The following RFX3 variants were observed in gnomAD, a reference collection of about 807,000 sequenced individuals.
RFX3 encodes transcription factor RFX3.
In RFX3, 14 loss-of-function variants were observed where a neutral mutation model predicts 98.6. The ratio of observed to expected loss-of-function variants is 0.14; its 90% CI spans 0.09 to 0.22. The LOEUF (loss-of-function observed/expected upper bound fraction) is 0.22. Among genes scored for constraint, RFX3 ranks in the 10% least tolerant of loss-of-function variants. RFX3 has a pLI of 1.00. For synonymous variants in RFX3, 383 were observed against 328.4 expected (o/e 1.17, Z -1.80); for missense variants, 639 against 926.9 (o/e 0.69, Z 4.03).
At chr9:3,507,770 T>TATA (rs1371928765) in intron 1 of RFX3, among the ~76,000 whole-genome samples, 1 of 152,026 alleles carries the variant, frequency 6.6e-6, no homozygotes, top group Non-Finnish European at 1.5e-5. Flanking sequence ...ATAAAGTTGT[T>TATA]ATACTGTATT....
chr9:3,359,786 C>T (rs1836198164), intron 2 of RFX3, among the ~76,000 whole-genome samples: 1 of 151,886 alleles, frequency 6.6e-6, no homozygotes, highest in South Asian at 2.1e-4. Context: ...CTGATATGAT[C>T]ACTTTTAATA....
At chr9:3,485,826 T>C (rs1850215892) in intron 1 of RFX3, among the ~76,000 whole-genome samples, 1 of 152,078 alleles carries the variant, frequency 6.6e-6, no homozygotes. Flanking sequence ...GTAAAGACTT[T>C]AAGAATAATA....
intron 1 of RFX3, among the ~76,000 whole-genome samples, chr9:3,435,774 T>A (rs1404179580): frequency 7.0e-6 from 1 of 142,208 alleles, no homozygotes; most frequent in Non-Finnish European, 1.5e-5. Context: ...TCTTTTGATA[T>A]CCTTATACTT....
chr9:3,314,702 A>C (rs1830373132), intron 4 of RFX3, among the ~76,000 whole-genome samples: 1 of 152,144 alleles, frequency 6.6e-6, no homozygotes. Flanking sequence ...TGGAAAACAA[A>C]AAAAAAAGCA....
chr9:3,488,000 G>C (rs1256511406), intron 1 of RFX3, among the ~76,000 whole-genome samples: 1 of 152,076 alleles, frequency 6.6e-6, no homozygotes, highest in African/African-American at 2.4e-5. Flanking sequence ...TGTGTAGCAT[G>C]ACCTATTGAA....
At chr9:3,289,447 A>G (rs563311824) in intron 6 of RFX3, among the ~76,000 whole-genome samples, 1 of 152,240 alleles carries the variant, frequency 6.6e-6, no homozygotes, top group South Asian at 2.1e-4. Context: ...TCAAAAATCC[A>G]CTGCAGAATG....
At chr9:3,439,182 T>C (rs924466944) in intron 1 of RFX3, among the ~76,000 whole-genome samples, 2 of 151,864 alleles carry the variant, frequency 1.3e-5, no homozygotes, top group African/African-American at 4.8e-5. Context: ...ACAGTACTTA[T>C]AGGGAAATTT....
intron 1 of RFX3, among the ~76,000 whole-genome samples, chr9:3,421,139 A>C (rs1373483136): frequency 6.6e-6 from 1 of 152,212 alleles, no homozygotes; most frequent in East Asian, 1.9e-4. Flanking sequence ...ACAAACACTG[A>C]GAATAACTAT....
At chr9:3,513,730 AG>A (rs2133855632) in intron 1 of RFX3, among the ~76,000 whole-genome samples, 1 of 152,298 alleles carries the variant, frequency 6.6e-6, no homozygotes, top group South Asian at 2.1e-4. Context: ...TCCAGTCCAT[AG>A]TCATTTGCAT....
chr9:3,299,998 A>C (rs1341443587), intron 5 of RFX3, among the ~76,000 whole-genome samples: 1 of 150,140 alleles, frequency 6.7e-6, no homozygotes, highest in Non-Finnish European at 1.5e-5. Context: ...AGGTAACTGG[A>C]AACTTCAGGT....
intron 1 of RFX3, among the ~76,000 whole-genome samples, chr9:3,424,492 G>C (rs1049675412): frequency 1.7e-4 from 26 of 150,280 alleles, no homozygotes; most frequent in Non-Finnish European, 3.4e-4. Flanking sequence ...CTCCCGAGTA[G>C]CTGGGACTAC....
At chr9:3,408,524 C>T (rs948062854) in intron 1 of RFX3, among the ~76,000 whole-genome samples, 3 of 152,068 alleles carry the variant, frequency 2.0e-5, no homozygotes, top group African/African-American at 7.2e-5. Flanking sequence ...TCAAGTCTCA[C>T]CCAGGCCTTT....
chr9:3,466,041 T>A (rs1587764392), intron 1 of RFX3, among the ~76,000 whole-genome samples: 2 of 152,140 alleles, frequency 1.3e-5, no homozygotes, highest in East Asian at 3.8e-4. Flanking sequence ...CAGAATTTAT[T>A]CAAACAGCAT....
At chr9:3,343,845 A>G (rs1382699487) in intron 3 of RFX3, among the ~76,000 whole-genome samples, 1 of 152,228 alleles carries the variant, frequency 6.6e-6, no homozygotes, top group Admixed American at 6.5e-5. Context: ...ATCAAAGCTA[A>G]TTGGACTTTG....
At chr9:3,295,825 T>C (rs1827919588) in intron 5 of RFX3, among the ~76,000 whole-genome samples, 1 of 152,012 alleles carries the variant, frequency 6.6e-6, no homozygotes, top group Non-Finnish European at 1.5e-5. Flanking sequence ...AGAAATGGAA[T>C]TAGTCAATCT....
chr9:3,397,263 G>C (rs983146573), intron 1 of RFX3, among the ~76,000 whole-genome samples: 6 of 152,162 alleles, frequency 3.9e-5, no homozygotes, highest in African/African-American at 1.4e-4. Context: ...CCTTGCTATT[G>C]AGCAAAGACC....
At chr9:3,240,582 G>C (rs960285224) in intron 15 of RFX3, among the ~76,000 whole-genome samples, 1 of 152,144 alleles carries the variant, frequency 6.6e-6, no homozygotes, top group Non-Finnish European at 1.5e-5. Context: ...GGTTTGAAGT[G>C]CTTGTATTAT....
intron 3 of RFX3, among the ~76,000 whole-genome samples, chr9:3,332,911 C>G (rs1444815081): frequency 2.6e-5 from 4 of 151,992 alleles, no homozygotes; most frequent in Admixed American, 2.0e-4. Flanking sequence ...ACGGAAGCAC[C>G]TTATCTCAAA....
intron 1 of RFX3, among the ~76,000 whole-genome samples, chr9:3,403,055 T>G (rs934025072): frequency 1.3e-5 from 2 of 152,092 alleles, no homozygotes; most frequent in Non-Finnish European, 2.9e-5. Context: ...CGTACTACAT[T>G]TAAATATATG....
Sources: gnomAD v4.1 joint callset for allele counts (sites outside exome capture counted in the v4.1 genomes callset) on GRCh38, gnomAD v4.1.1 for gene constraint, MANE v1.5 for transcripts, NCBI Gene and HGNC (gene_info 2026-07-23, HGNC 2026-07-21) for gene names.